The following PCDH9 variants were observed in gnomAD, a reference collection of about 807,000 sequenced individuals.
PCDH9 encodes protocadherin 9.
A neutral mutation model predicts 70.6 loss-of-function variants in PCDH9; 24 were observed. That is an observed-to-expected ratio of 0.34 (90% CI 0.25 to 0.48). The LOEUF (loss-of-function observed/expected upper bound fraction) is 0.48. Among genes scored for constraint, PCDH9 ranks in the 20% least tolerant of loss-of-function variants. PCDH9 has a pLI of 0.99. For synonymous variants in PCDH9, 562 were observed against 558.5 expected (o/e 1.01, Z -0.09); for missense variants, 1,281 against 1,503.6 (o/e 0.85, Z 2.45).
chr13:66,508,269 G>C (rs762232102), intron 4 of PCDH9, among the ~76,000 whole-genome samples: 9 of 152,074 alleles, frequency 5.9e-5, no homozygotes, highest in Non-Finnish European at 1.0e-4. Context: ...GAGGGAATGG[G>C]GAGCAACTGT....
chr13:66,367,958 A>G (rs530791940), intron 4 of PCDH9, among the ~76,000 whole-genome samples: 16 of 152,290 alleles, frequency 1.1e-4, no homozygotes, highest in East Asian at 7.7e-4. Context: ...GACATTTTCT[A>G]GAAATTTTTC....
chr13:66,983,721 G>C (rs189468015), intron 2 of PCDH9, among the ~76,000 whole-genome samples: 3 of 152,138 alleles, frequency 2.0e-5, no homozygotes, highest in East Asian at 3.9e-4. Flanking sequence ...TACATGTGTA[G>C]GTTTCTTTTA....
chr13:67,138,726 C>G (rs2087298113), intron 2 of PCDH9, among the ~76,000 whole-genome samples: 1 of 152,142 alleles, frequency 6.6e-6, no homozygotes, highest in South Asian at 2.1e-4. Context: ...TTTGTCCTTG[C>G]TTTGTTTGTG....
At chr13:66,356,829 A>G (rs974910073) in intron 4 of PCDH9, among the ~76,000 whole-genome samples, 1 of 152,090 alleles carries the variant, frequency 6.6e-6, no homozygotes, top group Non-Finnish European at 1.5e-5. Context: ...ATCTTATCTA[A>G]TTATTACAAC....
intron 3 of PCDH9, 91 bp from the exon 4 acceptor site, chr13:66,631,502 T>TAA: frequency 1.4e-6 from 1 of 714,454 alleles, no homozygotes; most frequent in Non-Finnish European, 2.4e-6. Context: ...TTTCAACAAG[T>TAA]AACACAATGT....
chr13:66,334,794 A>C (rs1956008124), intron 4 of PCDH9, among the ~76,000 whole-genome samples: 1 of 152,078 alleles, frequency 6.6e-6, no homozygotes, highest in African/African-American at 2.4e-5. Flanking sequence ...ACAACAAAAA[A>C]AATTTCTTTT....
intron 4 of PCDH9, among the ~76,000 whole-genome samples, chr13:66,485,567 T>TGC (rs1958922020): frequency 6.6e-6 from 1 of 152,068 alleles, no homozygotes; most frequent in African/African-American, 2.4e-5. Flanking sequence ...GCACCAGAAA[T>TGC]GCATACAGGT....
In PCDH9 at chr13:66,816,856, G is replaced by GTT. The variant is rs529534184; in HGVS notation, c.3138+86646_3138+86647dup. Among the ~76,000 whole-genome samples the GTT allele has an allele frequency of 7.1e-3, 1,059 of 148,386 alleles. 40 individuals carry two copies. The East Asian group carries it at 0.1, about 15-fold the overall frequency. On this transcript the variant is annotated intron_variant, in intron 3 of 4. Coordinates refer to ENST00000377865, the MANE Select transcript of PCDH9 (RefSeq NM_203487.3). ...AAGACACAAGTTTTTGTAAAACAAG[G>GTT]TTTTTTTTTTGGTAAGTGGTGGTGT...
At chr13:67,087,542 T>A (rs1189722626) in intron 2 of PCDH9, among the ~76,000 whole-genome samples, 4 of 152,152 alleles carry the variant, frequency 2.6e-5, no homozygotes, top group Non-Finnish European at 4.4e-5. Flanking sequence ...ATATTTTAAA[T>A]GCTCATCTCT....
intron 4 of PCDH9, among the ~76,000 whole-genome samples, chr13:66,533,499 G>A (rs962184353): frequency 2.0e-5 from 3 of 151,724 alleles, no homozygotes; most frequent in Non-Finnish European, 2.9e-5. Flanking sequence ...TATTTTTAGA[G>A]GAAAATTTTA....
intron 4 of PCDH9, among the ~76,000 whole-genome samples, chr13:66,385,873 C>T (rs1460769692): frequency 1.3e-5 from 2 of 151,868 alleles, no homozygotes; most frequent in Non-Finnish European, 2.9e-5. Context: ...AATAATATGT[C>T]AATCTTGAGA....
intron 2 of PCDH9, among the ~76,000 whole-genome samples, chr13:67,102,074 A>C (rs1456523886): frequency 1.3e-5 from 2 of 152,180 alleles, no homozygotes. Flanking sequence ...ATCCCTTTTC[A>C]AAAGTCCTAT....
At chr13:67,152,797 C>G (rs2087695962) in intron 2 of PCDH9, among the ~76,000 whole-genome samples, 1 of 152,170 alleles carries the variant, frequency 6.6e-6, no homozygotes, top group Non-Finnish European at 1.5e-5. Flanking sequence ...CTTTAAAAAT[C>G]ACACTGAAGG....
chr13:66,511,356 T>C (rs1031135418), intron 4 of PCDH9, among the ~76,000 whole-genome samples: 1 of 152,156 alleles, frequency 6.6e-6, no homozygotes, highest in Admixed American at 6.6e-5. Context: ...CTGGGGCATG[T>C]TATTTAACCT....
intron 4 of PCDH9, among the ~76,000 whole-genome samples, chr13:66,486,886 A>AT (rs1958953081): frequency 6.6e-6 from 1 of 152,158 alleles, no homozygotes; most frequent in African/African-American, 2.4e-5. Context: ...TATCACTGGA[A>AT]TTGTAGTGGT....
At chr13:66,381,072 T>C (rs1158374388) in intron 4 of PCDH9, among the ~76,000 whole-genome samples, 4 of 152,180 alleles carry the variant, frequency 2.6e-5, no homozygotes, top group Non-Finnish European at 4.4e-5. Flanking sequence ...AATAGTTTTC[T>C]TTGAAGAAGA....
intron 4 of PCDH9, among the ~76,000 whole-genome samples, chr13:66,427,291 A>G (rs1456323510): frequency 6.6e-6 from 1 of 151,750 alleles, no homozygotes; most frequent in Non-Finnish European, 1.5e-5. Flanking sequence ...TCAATTATCT[A>G]TAATACTTCT....
chr13:66,675,777 G>A (rs373167580), intron 3 of PCDH9, among the ~76,000 whole-genome samples: 13 of 152,046 alleles, frequency 8.6e-5, no homozygotes, highest in African/African-American at 3.1e-4. Context: ...CTTCAGAATG[G>A]TAAGAATTGG....
intron 4 of PCDH9, among the ~76,000 whole-genome samples, chr13:66,553,515 C>A (rs79213213): frequency 6.6e-6 from 1 of 152,168 alleles, no homozygotes; most frequent in East Asian, 1.9e-4. Context: ...GGCACAAATG[C>A]CCAAAAACAG....
Sources: allele counts gnomAD v4.1 joint callset (sites outside exome capture counted in the v4.1 genomes callset), GRCh38; gene constraint gnomAD v4.1.1; transcripts MANE v1.5; gene names NCBI Gene and HGNC (gene_info 2026-07-23, HGNC 2026-07-21).